Variants in TRIM24 observed in about 807,000 individuals in gnomAD.
The protein encoded by TRIM24 is transcription intermediary factor 1-alpha.
In TRIM24, 29 loss-of-function variants were observed where a neutral mutation model predicts 123.9. That is an observed-to-expected ratio of 0.23 (90% confidence interval 0.17 to 0.32). The LOEUF is 0.32. Ranked by LOEUF, TRIM24 falls within the 10% of genes least tolerant of loss-of-function variation. TRIM24 has a pLI of 1.00. For missense variants in TRIM24, 932 were observed against 1,295.3 expected (o/e 0.72, Z 4.31); for synonymous variants, 456 against 461.1 (o/e 0.99, Z 0.14).
Position 138,519,331 on chromosome 7 carries a change from T to A in TRIM24, c.764+10T>A. On this transcript the variant is annotated intron_variant, in intron 4 of 18. Transcript: ENST00000343526. ...AACATAAAGAGCATAGGTACCAGCATCTTTGGTTATATATATAGATTCATA... is the reference window on the plus strand; with the variant it reads ...AACATAAAGAGCATAGGTACCAGCAACTTTGGTTATATATATAGATTCATA... 2 of 1,594,742 alleles carry A rather than the reference T, an allele frequency of 1.3e-6. No individual in the cohort carries two copies. The highest frequency in any genetic ancestry group is 1.7e-6 in the Non-Finnish European group (2 of 1,172,034).
intron 3 of TRIM24, among the ~76,000 whole-genome samples, chr7:138,518,601 C>T (rs1796445873): frequency 6.6e-6 from 1 of 152,086 alleles, no homozygotes; most frequent in South Asian, 2.1e-4. Context: ...GGTTATTTGA[C>T]TACTCCTTTT....
intron 2 of TRIM24, among the ~76,000 whole-genome samples, chr7:138,510,733 GT>G (rs1169590042): frequency 1.3e-5 from 2 of 152,152 alleles, no homozygotes; most frequent in African/African-American, 4.8e-5. Context: ...ATCAAATCAT[GT>G]TTTAAAGTTA....
intron 1 of TRIM24, chr7:138,461,178 G>C (rs781656482): frequency 2.9e-6 from 2 of 699,604 alleles, no homozygotes; most frequent in Non-Finnish European, 5.3e-6. Flanking sequence ...ACAGCCGGGC[G>C]GCCCCTGCCA....
At chr7:138,495,466 A>C (rs1400592912) in intron 1 of TRIM24, among the ~76,000 whole-genome samples, 1 of 152,094 alleles carries the variant, frequency 6.6e-6, no homozygotes, top group Admixed American at 6.6e-5. Context: ...ACAGCCTTCT[A>C]CTGTCTTCTG....
At chr7:138,468,681 G>A (rs1795204436) in intron 1 of TRIM24, among the ~76,000 whole-genome samples, 1 of 151,932 alleles carries the variant, frequency 6.6e-6, no homozygotes, top group Admixed American at 6.6e-5. Context: ...TTCCTGCTTG[G>A]CCTCCAGTAT....
At chr7:138,504,114 G>A (rs984201278) in intron 1 of TRIM24, among the ~76,000 whole-genome samples, 176 bp from the exon 2 acceptor site, 1 of 152,158 alleles carries the variant, frequency 6.6e-6, no homozygotes, top group African/African-American at 2.4e-5. Flanking sequence ...AATATTTCAT[G>A]TGTGATGTAT....
chr7:138,574,313 C>T (rs926367163), intron 12 of TRIM24, among the ~76,000 whole-genome samples: 3 of 152,114 alleles, frequency 2.0e-5, no homozygotes, highest in African/African-American at 7.2e-5. Flanking sequence ...GAGAAAAACG[C>T]TAATATTACT....
chr7:138,463,486 C>A (rs568352306), intron 1 of TRIM24, among the ~76,000 whole-genome samples: 2 of 152,272 alleles, frequency 1.3e-5, no homozygotes, highest in African/African-American at 2.4e-5. Flanking sequence ...CCTGCCACAG[C>A]CTCTGTAGGT....
chr7:138,582,912 G>A lies in TRIM24; in HGVS notation c.2794-938G>A, dbSNP rs146161064. On this transcript the variant is annotated intron_variant, in intron 17 of 18. Coordinates refer to ENST00000343526, the MANE Select transcript of TRIM24 (RefSeq NM_015905.3). ...CCAAAAGAGGCAGGGTAAAGAAGTC[G>A]AGAGGCTTGTAACAACATTACCAAC... is the stretch of plus-strand genomic sequence containing the variant. Among the ~76,000 whole-genome samples, 141 of 152,294 alleles carry A rather than the reference G, an allele frequency of 9.3e-4. 1 individual carries two copies. The East Asian group carries it at 0.02, about 21-fold the overall frequency.
intron 9 of TRIM24, 110 bp downstream of exon 9, chr7:138,555,076 A>G (rs1293441099): frequency 1.7e-6 from 2 of 1,163,382 alleles, no homozygotes; most frequent in Non-Finnish European, 2.4e-6. Flanking sequence ...ATCTGCATTT[A>G]TAAAAATTTA....
chr7:138,482,511 A>G (rs1795552116), intron 1 of TRIM24, among the ~76,000 whole-genome samples: 1 of 152,282 alleles, frequency 6.6e-6, no homozygotes, highest in African/African-American at 2.4e-5. Flanking sequence ...GCATCCTAAC[A>G]AAGTTTGAAG....
At chr7:138,560,676 G>A (rs762754758) in intron 9 of TRIM24, among the ~76,000 whole-genome samples, 1 of 152,172 alleles carries the variant, frequency 6.6e-6, no homozygotes, top group Non-Finnish European at 1.5e-5. Context: ...TGAGTTCCTT[G>A]ATGGAATTGT....
intron 9 of TRIM24, among the ~76,000 whole-genome samples, chr7:138,562,688 C>T (rs930548541): frequency 6.6e-6 from 1 of 152,182 alleles, no homozygotes; most frequent in East Asian, 1.9e-4. Flanking sequence ...TTAGCCAGCC[C>T]GGGTGGGTTA....
chr7:138,570,927 G>C lies in TRIM24; in HGVS notation c.1802G>C (p.Gly601Ala), dbSNP rs755299093. The C allele has an allele frequency of 2.5e-6, 4 of 1,614,142 alleles. No individual in the cohort carries two copies. The South Asian group carries it at 4.4e-5, about 18-fold the overall frequency. Residue 601 changes from glycine (G) to alanine (A), a missense_variant, in exon 11 of 19, where the codon GGA (glycine) becomes GCA (alanine). This residue lies in a region of TRIM24 where 527 missense variants were observed against 691.3 expected (regional missense o/e 0.76). Transcript: ENST00000343526. ...PTITSAAGYD[G>A]KAFGSPMIDL... ...ATTACTAGTGCAGCAGGATATGATG[G>C]AAAGGCTTTTGGTTCACCTATGATC...
At chr7:138,581,113 T>C (rs1055308283) in intron 16 of TRIM24, among the ~76,000 whole-genome samples, 4 of 152,332 alleles carry the variant, frequency 2.6e-5, no homozygotes, top group Admixed American at 1.3e-4. Flanking sequence ...CCAACTGATA[T>C]ATTTAACTGT....
Position 138,588,356 on chromosome 7 carries a change from A to C in TRIM24, c.*3405A>C, listed in dbSNP as rs1271031937. Reference sequence around the variant, plus strand: ...TAAATTGAAGATACATTCATTTTATATGTATTTGTTGTGAATGAGAGAAAT... The same window carrying C: ...TAAATTGAAGATACATTCATTTTATCTGTATTTGTTGTGAATGAGAGAAAT... On this transcript the variant is annotated 3_prime_UTR_variant, in exon 19 of 19. Transcript: ENST00000343526. 1 of 152,220 alleles carries C rather than the reference A, an allele frequency of 6.6e-6. No individual in the cohort carries two copies. Among genetic ancestry groups the C allele is most frequent in the Non-Finnish European group, 1.5e-5 (1 of 68,042 alleles). 9.4% of individuals were successfully genotyped at this position (152,220 alleles called of 1,614,324 possible). A position where few individuals can be genotyped will look rare whatever the true frequency, so the allele number is the denominator to read the frequency against.
rs769709764 is a variant in TRIM24 at position 138,460,384 on chromosome 7, C to T, written c.-165C>T. On this transcript the variant is annotated 5_prime_UTR_variant, in exon 1 of 19. Transcript: ENST00000343526. ...CCACTCGGGAGGCGGATCCCGTGGG[C>T]CTGAGGAGGCTTCCCCCGCCCGGTT... is the stretch of plus-strand genomic sequence containing the variant. 1.4e-5 allele frequency: 9 copies of T among 646,872 alleles called. No individual in the cohort carries two copies. The highest frequency in any genetic ancestry group is 4.4e-5 in the Admixed American group (1 of 22,702). 40.1% of individuals were successfully genotyped at this position (646,872 alleles called of 1,614,324 possible). A position where few individuals can be genotyped will look rare whatever the true frequency, so the allele number is the denominator to read the frequency against.
chr7:138,479,700 G>T (rs1258639668), intron 1 of TRIM24, among the ~76,000 whole-genome samples: 2 of 145,836 alleles, frequency 1.4e-5, no homozygotes, highest in African/African-American at 4.9e-5. Context: ...TAGATATGGG[G>T]TTTCTCCATG....
intron 6 of TRIM24, among the ~76,000 whole-genome samples, chr7:138,532,573 T>G (rs1796770997): frequency 6.6e-6 from 1 of 152,164 alleles, no homozygotes; most frequent in African/African-American, 2.4e-5. Context: ...AAGGTCTATA[T>G]CTCTGTTTTG....
Sources: allele counts gnomAD v4.1 joint callset (sites outside exome capture counted in the v4.1 genomes callset), GRCh38; gene constraint gnomAD v4.1.1; regional missense constraint gnomAD v4.1.1; transcripts MANE v1.5; gene names NCBI Gene and HGNC (gene_info 2026-07-23, HGNC 2026-07-21).